The following GABRB1 variants were observed in gnomAD, a reference collection of about 807,000 sequenced individuals.
GABRB1 encodes the protein gamma-aminobutyric acid type A receptor subunit beta1.
A neutral mutation model predicts 51.6 loss-of-function variants in GABRB1; 17 were observed. That is an observed-to-expected ratio of 0.33 (90% CI 0.23 to 0.49). The LOEUF (loss-of-function observed/expected upper bound fraction) is 0.49. Ranked by LOEUF, GABRB1 falls within the 20% of genes least tolerant of loss-of-function variation. GABRB1 has a pLI of 0.99. For missense variants in GABRB1, 410 were observed against 600.6 expected (o/e 0.68, Z 3.32); for synonymous variants, 247 against 218.9 (o/e 1.13, Z -1.14).
upstream of GABRB1, chr4:47,031,556 T>C (rs1725296178): frequency 2.2e-5 from 22 of 994,410 alleles, no homozygotes; most frequent in Middle Eastern, 6.3e-4. Flanking sequence ...GCTCTGCGCA[T>C]GCGCAGGTCC....
intron 5 of GABRB1, among the ~76,000 whole-genome samples, chr4:47,320,576 T>C (rs1273121902): frequency 6.6e-6 from 1 of 152,244 alleles, no homozygotes; most frequent in East Asian, 1.9e-4. Flanking sequence ...CTATTGTAAA[T>C]TGTCTTTTAG....
chr4:47,092,731 C>G (rs1479804760), intron 3 of GABRB1, among the ~76,000 whole-genome samples: 1 of 151,846 alleles, frequency 6.6e-6, no homozygotes, highest in Non-Finnish European at 1.5e-5. Context: ...TCTGCCTCAG[C>G]CTCCCGAGTG....
intron 5 of GABRB1, among the ~76,000 whole-genome samples, chr4:47,378,789 GT>G (rs34196493): frequency 2.0e-5 from 3 of 150,124 alleles, no homozygotes; most frequent in African/African-American, 7.3e-5. Context: ...CCCGGCCGGA[GT>G]TTTTTTTTTA....
At chr4:47,093,178 GA>G in intron 3 of GABRB1, among the ~76,000 whole-genome samples, 1 of 152,148 alleles carries the variant, frequency 6.6e-6, no homozygotes, top group South Asian at 2.1e-4. Flanking sequence ...TTCCTAGTGT[GA>G]AGGAAATGTG....
At chr4:47,200,589 AT>A (rs1161592221) in intron 4 of GABRB1, among the ~76,000 whole-genome samples, 1 of 152,146 alleles carries the variant, frequency 6.6e-6, no homozygotes, top group Non-Finnish European at 1.5e-5. Context: ...TATGTACCTT[AT>A]ATTGTGGAAG....
chr4:47,352,088 T>G (rs1184923567), intron 5 of GABRB1, among the ~76,000 whole-genome samples: 125 of 152,234 alleles, frequency 8.2e-4, no homozygotes, highest in African/African-American at 2.8e-3. Flanking sequence ...CCTGACTTTT[T>G]AATGATTGCC....
chr4:47,071,361 A>G (rs1727326800), intron 3 of GABRB1, among the ~76,000 whole-genome samples: 1 of 152,186 alleles, frequency 6.6e-6, no homozygotes, highest in South Asian at 2.1e-4. Flanking sequence ...CCACATGTCA[A>G]TGACTTCCTT....
intron 5 of GABRB1, among the ~76,000 whole-genome samples, chr4:47,363,925 C>T (rs146291392): frequency 6.3e-4 from 96 of 152,294 alleles, no homozygotes; most frequent in Admixed American, 1.1e-3. Context: ...TCATCCCTAG[C>T]TTCCCAGAAC....
At chr4:47,062,714 T>C (rs1268709732) in intron 3 of GABRB1, among the ~76,000 whole-genome samples, 3 of 152,174 alleles carry the variant, frequency 2.0e-5, no homozygotes, top group African/African-American at 7.2e-5. Context: ...TTGGTGCTCT[T>C]GTAATAAACA....
At chr4:47,116,177 T>G (rs1715469384) in intron 3 of GABRB1, among the ~76,000 whole-genome samples, 3 of 152,222 alleles carry the variant, frequency 2.0e-5, no homozygotes, top group Non-Finnish European at 1.5e-5. Flanking sequence ...CTACAACTAG[T>G]TACTTAATGC....
At chr4:47,286,031 A>G (rs1212505398) in intron 4 of GABRB1, among the ~76,000 whole-genome samples, 2 of 152,244 alleles carry the variant, frequency 1.3e-5, no homozygotes, top group Admixed American at 1.3e-4. Flanking sequence ...TTTTCTCATT[A>G]CTGGAAGAGA....
chr4:47,024,491 T>C (rs1725025068), intron 1 of GABRB1, among the ~76,000 whole-genome samples: 1 of 152,006 alleles, frequency 6.6e-6, no homozygotes, highest in Non-Finnish European at 1.5e-5. Context: ...AGCAGTGACA[T>C]GCGACCGAAG....
chr4:47,214,561 A>C (rs1350834397), intron 4 of GABRB1, among the ~76,000 whole-genome samples: 2 of 152,218 alleles, frequency 1.3e-5, no homozygotes, highest in Non-Finnish European at 2.9e-5. Context: ...ACCCTATGGG[A>C]AATGTGAACT....
chr4:47,065,883 T>G (rs1035993493), intron 3 of GABRB1, among the ~76,000 whole-genome samples: 1 of 152,210 alleles, frequency 6.6e-6, no homozygotes, highest in African/African-American at 2.4e-5. Context: ...AAAGCAGAAT[T>G]TATTTATTTA....
At chr4:47,063,235 C>T (rs1357399760) in intron 3 of GABRB1, among the ~76,000 whole-genome samples, 1 of 152,094 alleles carries the variant, frequency 6.6e-6, no homozygotes, top group Non-Finnish European at 1.5e-5. Flanking sequence ...CAGAACCTAA[C>T]AAGGGCCATG....
chr4:47,116,323 C>G (rs1483432876), intron 3 of GABRB1, among the ~76,000 whole-genome samples: 1 of 152,054 alleles, frequency 6.6e-6, no homozygotes, highest in Non-Finnish European at 1.5e-5. Flanking sequence ...TAATTGGCTC[C>G]CTGCAGATAG....
At chr4:47,320,916 C>T (rs1450903179) in intron 5 of GABRB1, among the ~76,000 whole-genome samples, 1 of 152,020 alleles carries the variant, frequency 6.6e-6, no homozygotes, top group Non-Finnish European at 1.5e-5. Context: ...ACTATAGGCG[C>T]CCGCCACCAC....
At chr4:47,048,736 G>T (rs1726209435) in intron 3 of GABRB1, among the ~76,000 whole-genome samples, 1 of 152,030 alleles carries the variant, frequency 6.6e-6, no homozygotes, top group Admixed American at 6.6e-5. Flanking sequence ...AGTCCAGAAA[G>T]GTTTATTTAT....
At chr4:47,406,314 A>G (rs996244130) in intron 7 of GABRB1, among the ~76,000 whole-genome samples, 54 of 152,244 alleles carry the variant, frequency 3.5e-4, no homozygotes, top group African/African-American at 1.3e-3. Flanking sequence ...AGCACAGTGA[A>G]TGAGATGCTG....
Sources: allele counts gnomAD v4.1 joint callset (sites outside exome capture counted in the v4.1 genomes callset), GRCh38; gene constraint gnomAD v4.1.1; transcripts MANE v1.5; gene names NCBI Gene and HGNC (gene_info 2026-07-23, HGNC 2026-07-21).